USP54: variants seen among roughly 807,000 people sequenced by gnomAD.
The protein encoded by USP54 is ubiquitin carboxyl-terminal hydrolase 54.
USP54 carries 87 observed loss-of-function variants against 170.5 expected under a neutral mutation model. That is an observed-to-expected ratio of 0.51 (90% CI 0.43 to 0.61). The LOEUF is 0.61. Among genes scored for constraint, USP54 ranks in the 20% least tolerant of loss-of-function variants. The probability of loss-of-function intolerance (pLI) is 0.00; values close to 1 mark genes in which losing one functional copy is unlikely to be tolerated. For missense variants in USP54, 1,786 were observed against 2,047.8 expected, an observed-to-expected ratio of 0.87 and a Z score of 2.47; for synonymous variants, 655 against 742.8, an observed-to-expected ratio of 0.88 and a Z score of 1.92.
Position 73,530,212 on chromosome 10 carries a change from T to C in USP54, c.1759A>G (p.Ser587Gly). ...RPKRESLNID[S>G]IFSKDKRKHC... ...TTCCTTTTGTCCTTACTAAAGATAC[T>C]GTCAATATTCAGAGATTCTCGTTTG... Residue 587 changes from serine to glycine, a missense_variant, in exon 14 of 24, where the codon AGT (serine) becomes GGT (glycine). Physicochemically the swap from Ser to Gly is moderately conservative, Grantham distance 56 (BLOSUM62 0). Around this residue, in one of 3 missense-constraint regions of USP54, gnomAD observed 1,418 missense variants for 1,569.0 expected, o/e 0.90. Coordinates refer to ENST00000687698, the MANE Select transcript of USP54 (RefSeq NM_001391956.1). 1 of 1,614,152 alleles carries C rather than the reference T, an allele frequency of 6.2e-7. No individual in the cohort carries two copies. Among genetic ancestry groups the C allele is most frequent in the Non-Finnish European group, 8.5e-7 (1 of 1,180,034 alleles).
rs572323356 is a variant in USP54 at position 73,555,873 on chromosome 10, C to A, written c.241-10201G>T. Among the ~76,000 whole-genome samples, 25 of 152,012 alleles carry A rather than the reference C, an allele frequency of 1.6e-4. No individual in the cohort carries two copies. The South Asian group carries it at 5.0e-3, about 30-fold the overall frequency. On this transcript the variant is annotated intron_variant, in intron 4 of 23. Coordinates refer to ENST00000687698, the MANE Select transcript of USP54 (RefSeq NM_001391956.1). The stretch of plus-strand genomic sequence containing the variant: ...ACTACATGTTTCCTTGCAGTCGTAC[C>A]CCTTCTATTTGAATATCATATACAA...
intron 1 of USP54, among the ~76,000 whole-genome samples, chr10:73,623,247 G>A (rs1223635719): frequency 1.3e-5 from 2 of 152,044 alleles, no homozygotes; most frequent in African/African-American, 2.4e-5. Context: ...TTAACTGCGC[G>A]TGGTTGCATG....
At chr10:73,599,275 G>A (rs2078984147) in intron 1 of USP54, among the ~76,000 whole-genome samples, 1 of 152,162 alleles carries the variant, frequency 6.6e-6, no homozygotes, top group Non-Finnish European at 1.5e-5. Flanking sequence ...ACGGGATTTT[G>A]ACTCACTATA....
chr10:73,617,437 CAGAG>C, intron 1 of USP54, among the ~76,000 whole-genome samples: 1 of 147,984 alleles, frequency 6.8e-6, no homozygotes. Context: ...GCCTGGGCAA[CAGAG>C]AGAGACTCTG....
chr10:73,507,669 CAAAA>C (rs913305815), intron 20 of USP54, among the ~76,000 whole-genome samples: 3 of 22,470 alleles, frequency 1.3e-4, no homozygotes, highest in Admixed American at 5.6e-4. Flanking sequence ...GACTCCGTCG[CAAAA>C]AAAAAAAAAA....
At chr10:73,539,393 CT>C (rs556247764) in intron 10 of USP54, 50 bp downstream of exon 10, 664 of 1,391,224 alleles carry the variant, frequency 4.8e-4, no homozygotes, top group South Asian at 1.3e-3. Context: ...AATGATTATT[CT>C]TTTTTTTTGT....
At chr10:73,542,960 AT>A (rs2066943089) in intron 6 of USP54, 57 bp downstream of exon 6, 1 of 1,608,214 alleles carries the variant, frequency 6.2e-7, no homozygotes, top group African/African-American at 1.3e-5. Flanking sequence ...AACACCCCAC[AT>A]CCCAGGATAA....
chr10:73,566,770 C>A (rs1490137753), intron 4 of USP54, among the ~76,000 whole-genome samples: 1 of 151,932 alleles, frequency 6.6e-6, no homozygotes, highest in Non-Finnish European at 1.5e-5. Context: ...AAAACAACAA[C>A]AAGGAAATGA....
At chr10:73,594,204 G>A (rs1435913113), upstream of USP54, among the ~76,000 whole-genome samples, 1 of 151,994 alleles carries the variant, frequency 6.6e-6, no homozygotes, top group Non-Finnish European at 1.5e-5. Context: ...TTCAGTAGCT[G>A]GGATTACAGG....
chr10:73,505,010 T>C lies in USP54; in HGVS notation c.4171-20A>G. On this transcript the variant is annotated intron_variant, in intron 21 of 23. Transcript: ENST00000687698. Reference sequence around the variant, plus strand: ...TGTAGCCTTCAAACACACAGACACATACAGGCAGACACATAATACCAGACT... The same window carrying C: ...TGTAGCCTTCAAACACACAGACACACACAGGCAGACACATAATACCAGACT... 1 of 1,613,988 alleles carries C rather than the reference T, an allele frequency of 6.2e-7. No homozygotes were observed. Among genetic ancestry groups the C allele is most frequent in the Non-Finnish European group, 8.5e-7 (1 of 1,179,944 alleles).
chr10:73,521,743 C>A (rs2061931492), intron 17 of USP54, among the ~76,000 whole-genome samples: 1 of 152,192 alleles, frequency 6.6e-6, no homozygotes, highest in African/African-American at 2.4e-5. Context: ...CTCACCAAAA[C>A]TACCCCCAAA....
rs765631954 is a variant in USP54, at chr10:73,519,840, C to G, written c.2635G>C (p.Ala879Pro). ...GTCCCCGCCTGTGTTGGGAGGCAGG[C>G]TGAGGGCTGCGACGGCTGCTGTGGT... Reference protein sequence around the residue: ...QSPQQPSQPSACLPTQAGTLS... With the variant: ...QSPQQPSQPSPCLPTQAGTLS... Residue 879 changes from alanine to proline, a missense_variant, in exon 19 of 24, where the codon GCC (alanine) becomes CCC (proline). Coordinates refer to ENST00000687698, the MANE Select transcript of USP54 (RefSeq NM_001391956.1). 6.2e-7 allele frequency: 1 copy of G among 1,614,088 alleles called. No individual in the cohort carries two copies. The highest frequency in any genetic ancestry group is 1.7e-5 in the Admixed American group (1 of 60,018).
Position 73,504,948 on chromosome 10 carries a change from C to A in USP54, c.4213G>T (p.Glu1405Ter). 6.2e-7 allele frequency: 1 copy of A among 1,614,154 alleles called. No homozygotes were observed. Among genetic ancestry groups the A allele is most frequent in the Non-Finnish European group, 8.5e-7 (1 of 1,180,024 alleles). The change falls in exon 22 of 24, where the codon GAG (glutamate) becomes TAG (stop). Residue 1405 changes from glutamate to a stop codon, truncating the protein, a stop_gained. Coordinates refer to ENST00000687698, the MANE Select transcript of USP54 (RefSeq NM_001391956.1). LOFTEE classifies it high-confidence loss of function. The stretch of plus-strand genomic sequence containing the variant: ...CGTAAATTCTCTGCACTGTACTGCT[C>A]ATCCTCCCCACACTCCCTGCTGAGG... Reference protein sequence around the residue: ...RGLSRECGEDEQYSAENLRRI... With the variant: ...RGLSRECGED
At chr10:73,513,756 T>G (rs2060596568) in intron 20 of USP54, among the ~76,000 whole-genome samples, 1 of 152,178 alleles carries the variant, frequency 6.6e-6, no homozygotes, top group Non-Finnish European at 1.5e-5. Flanking sequence ...TTTTGATACT[T>G]TATGTATTTT....
At position 73,499,194 on chromosome 10, in the gene USP54, G is replaced by A; in HGVS notation, c.4496-6C>T. 6.3e-7 allele frequency: 1 copy of A among 1,580,716 alleles called. No homozygotes were observed. The highest frequency in any genetic ancestry group is 1.9e-5 in the Admixed American group (1 of 53,490). ...CTGGACACTCCTTGAAGTTCCTGGGGAAAGAAAAGAAACCCAAAGACTGAG... is the reference window on the plus strand; with the variant it reads ...CTGGACACTCCTTGAAGTTCCTGGGAAAAGAAAAGAAACCCAAAGACTGAG... On this transcript the variant is annotated splice_region_variant and splice_polypyrimidine_tract_variant and intron_variant, in intron 23 of 23. Transcript: ENST00000687698.
intron 11 of USP54, among the ~76,000 whole-genome samples, chr10:73,535,773 G>A (rs1475082895): frequency 6.6e-6 from 1 of 152,018 alleles, no homozygotes; most frequent in East Asian, 1.9e-4. Context: ...CGAACTCCAG[G>A]GCTCAAGTGA....
chr10:73,610,786 A>G (rs150515693), intron 1 of USP54, among the ~76,000 whole-genome samples: 18 of 152,320 alleles, frequency 1.2e-4, no homozygotes, highest in East Asian at 1.2e-3. Context: ...GTTTTCATTT[A>G]AAAACTCAAA....
chr10:73,563,423 T>C (rs1402246215), intron 4 of USP54, among the ~76,000 whole-genome samples: 1 of 152,122 alleles, frequency 6.6e-6, no homozygotes, highest in Non-Finnish European at 1.5e-5. Flanking sequence ...TTCTCTTGAC[T>C]CATTTATCTT....
rs186270010 is a variant in USP54 at position 73,614,316 on chromosome 10, T to C, written c.-18+11251A>G. ...AGCTGGTACCTGTAATCCCAGCACT[T>C]TGGGAGGCCAAGGCGGATGGATCAC... On this transcript the variant is annotated intron_variant, in intron 1 of 22. Transcript: ENST00000339859. Among the ~76,000 whole-genome samples the C allele has an allele frequency of 2.1e-4, 32 of 150,304 alleles. 2 individuals are homozygous for C. In the East Asian group the frequency reaches 5.6e-3, roughly 26 times the overall value.
Sources: gnomAD v4.1 joint callset for allele counts (sites outside exome capture counted in the v4.1 genomes callset) on GRCh38, gnomAD v4.1.1 for gene constraint, gnomAD v4.1.1 regional missense constraint, MANE v1.5 for transcripts, NCBI Gene and HGNC (gene_info 2026-07-23, HGNC 2026-07-21) for gene names.